The following MYO5B variants were observed in gnomAD, a reference collection of about 807,000 sequenced individuals.
MYO5B encodes the protein unconventional myosin-Vb.
A neutral mutation model predicts 229.3 loss-of-function variants in MYO5B; 143 were observed. The observed-to-expected ratio is 0.62, with a 90% CI of 0.54 to 0.72. The LOEUF (loss-of-function observed/expected upper bound fraction) is 0.72, where lower values mean the gene tolerates loss of function less well. Among genes scored for constraint, MYO5B ranks in the 30% least tolerant of loss-of-function variants. The pLI, the probability that MYO5B is intolerant of heterozygous loss-of-function variation, is 0.00. For missense variants in MYO5B, 2,321 were observed against 2,331.0 expected, an observed-to-expected ratio of 1.00 and a Z score of 0.09; for synonymous variants, 918 against 885.2, an observed-to-expected ratio of 1.04 and a Z score of -0.66.
intron 27 of MYO5B, among the ~76,000 whole-genome samples, chr18:49,865,136 G>A (rs1447848789): frequency 1.3e-5 from 2 of 152,234 alleles, no homozygotes; most frequent in Non-Finnish European, 2.9e-5. Flanking sequence ...ATGTGGATGA[G>A]TATGCATTGG....
chr18:49,955,224 A>G (rs866228528), intron 12 of MYO5B, among the ~76,000 whole-genome samples: 2 of 152,366 alleles, frequency 1.3e-5, no homozygotes, highest in Middle Eastern at 3.4e-3. Context: ...CACTGCATTA[A>G]GAATTCTGAA....
At chr18:50,073,515 G>A (rs754640006) in intron 1 of MYO5B, among the ~76,000 whole-genome samples, 46 of 151,906 alleles carry the variant, frequency 3.0e-4, no homozygotes, top group Non-Finnish European at 4.9e-4. Flanking sequence ...GGCTCCCCTC[G>A]TCCATGCACC....
chr18:49,947,199 G>A (rs3017175), intron 14 of MYO5B, among the ~76,000 whole-genome samples: 34,920 of 145,656 alleles, frequency 0.24, 5,750 homozygotes, highest in African/African-American at 0.48. Context: ...TCCACCTCCC[G>A]GGTTCACGCC....
chr18:49,884,518 T>G (rs891820814), intron 22 of MYO5B, among the ~76,000 whole-genome samples: 2 of 151,874 alleles, frequency 1.3e-5, no homozygotes, highest in Non-Finnish European at 2.9e-5. Flanking sequence ...TAGAGTCTTA[T>G]AAGGAAAGTG....
intron 1 of MYO5B, among the ~76,000 whole-genome samples, chr18:50,146,511 G>A (rs1325202616): frequency 6.6e-6 from 1 of 152,148 alleles, no homozygotes; most frequent in Non-Finnish European, 1.5e-5. Flanking sequence ...AACATAAATG[G>A]CAGGTAGGAA....
intron 23 of MYO5B, 28 bp from the exon 24 acceptor site, chr18:49,879,118 T>C (rs2024558936): frequency 6.2e-7 from 1 of 1,613,902 alleles, no homozygotes; most frequent in African/African-American, 1.3e-5. Flanking sequence ...AAGCTGCAGT[T>C]TTTCTGGATG....
intron 1 of MYO5B, among the ~76,000 whole-genome samples, chr18:50,156,709 A>G (rs1349912606): frequency 6.6e-6 from 1 of 152,224 alleles, no homozygotes; most frequent in Non-Finnish European, 1.5e-5. Flanking sequence ...TAGGTACAAA[A>G]AAGCATAAAG....
In MYO5B at chr18:50,173,427, G is replaced by A. The variant is rs989669520; in HGVS notation, c.27+21340C>T. On this transcript the variant is annotated intron_variant, in intron 1 of 39. Coordinates refer to ENST00000285039, the MANE Select transcript of MYO5B (RefSeq NM_001080467.3). ...GATTTTATTCCAAAAGCCAAGGGAA[G>A]CATCTACGTGATTTCCAAAAGAGGA... Among the ~76,000 whole-genome samples the A allele has an allele frequency of 7.2e-5, 11 of 152,322 alleles. No homozygotes were observed. The South Asian group carries it at 2.1e-3, about 29-fold the overall frequency.
At chr18:49,910,531 C>G (rs142406609) in intron 18 of MYO5B, among the ~76,000 whole-genome samples, 709 of 151,778 alleles carry the variant, frequency 4.7e-3, no homozygotes, top group Non-Finnish European at 7.7e-3. Context: ...CTAACTATAG[C>G]CCTTGATTAA....
At chr18:50,039,641 G>C (rs4939614) in intron 3 of MYO5B, among the ~76,000 whole-genome samples, 114,344 of 152,176 alleles carry the variant, frequency 0.75, 43,405 homozygotes, top group Middle Eastern at 0.82. Context: ...GAAAGGAAAA[G>C]TTTTAAGAAA....
chr18:50,063,518 T>C (rs757267626), intron 1 of MYO5B, among the ~76,000 whole-genome samples: 34 of 152,014 alleles, frequency 2.2e-4, no homozygotes, highest in Non-Finnish European at 4.1e-4. Flanking sequence ...GAAAGAACTA[T>C]AACATAATAT....
chr18:50,184,945 C>T (rs894948549), intron 1 of MYO5B, among the ~76,000 whole-genome samples: 4 of 151,484 alleles, frequency 2.6e-5, no homozygotes, highest in Non-Finnish European at 5.9e-5. Flanking sequence ...GGCATGGTGT[C>T]GCATGCCTGT....
chr18:50,175,162 T>G (rs2032977608), intron 1 of MYO5B, among the ~76,000 whole-genome samples: 2 of 152,176 alleles, frequency 1.3e-5, no homozygotes, highest in South Asian at 4.1e-4. Flanking sequence ...CAAGCAACAT[T>G]CTGGGCAAGG....
chr18:49,841,050 C>G (rs1214719935), intron 35 of MYO5B, among the ~76,000 whole-genome samples: 1 of 152,202 alleles, frequency 6.6e-6, no homozygotes, highest in Admixed American at 6.5e-5. Flanking sequence ...AGAGCTGATA[C>G]AGAAATGTCA....
At chr18:49,892,085 G>A (rs2024721972) in intron 22 of MYO5B, among the ~76,000 whole-genome samples, 2 of 152,206 alleles carry the variant, frequency 1.3e-5, no homozygotes, top group Non-Finnish European at 2.9e-5. Flanking sequence ...GGGCAGCCCT[G>A]GGGGCCACCT....
intron 17 of MYO5B, 81 bp downstream of exon 17, chr18:49,929,431 T>G: frequency 8.7e-7 from 1 of 1,153,888 alleles, no homozygotes; most frequent in Non-Finnish European, 1.2e-6. Flanking sequence ...TGGCCGACGG[T>G]ACACAGAGGG....
At chr18:49,870,203 TA>T (rs1037009966) in intron 27 of MYO5B, among the ~76,000 whole-genome samples, 2 of 152,182 alleles carry the variant, frequency 1.3e-5, no homozygotes, top group Non-Finnish European at 2.9e-5. Flanking sequence ...CCTGGTTGTT[TA>T]AAAAGTCAAA....
At chr18:50,005,505 G>A (rs1200217804) in intron 4 of MYO5B, among the ~76,000 whole-genome samples, 1 of 152,062 alleles carries the variant, frequency 6.6e-6, no homozygotes, top group Non-Finnish European at 1.5e-5. Context: ...CAACCTCCTG[G>A]GCTCAGGCGA....
At chr18:49,829,868 A>C (rs1260896726) in intron 39 of MYO5B, among the ~76,000 whole-genome samples, 2 of 152,222 alleles carry the variant, frequency 1.3e-5, no homozygotes, top group African/African-American at 2.4e-5. Flanking sequence ...TCGATGGAGA[A>C]AAGCATTTGC....
Sources: gnomAD v4.1 joint callset for allele counts (sites outside exome capture counted in the v4.1 genomes callset) on GRCh38, gnomAD v4.1.1 for gene constraint, MANE v1.5 for transcripts, NCBI Gene and HGNC (gene_info 2026-07-23, HGNC 2026-07-21) for gene names.